Variants in CGNL1 observed in about 807,000 individuals in gnomAD.
The protein encoded by CGNL1 is cingulin like 1, also known as cingulin-like protein 1.
CGNL1 carries 132 observed loss-of-function variants against 141.2 expected under a neutral mutation model. That is an observed-to-expected ratio of 0.93 (90% CI 0.81 to 1.08). The LOEUF is 1.08. Among genes scored for constraint, CGNL1 ranks in the 50% least tolerant of loss-of-function variants. The pLI, the probability that CGNL1 is intolerant of heterozygous loss-of-function variation, is 0.00. For missense variants in CGNL1, 1,870 were observed against 1,588.6 expected (o/e 1.18, Z -3.01); for synonymous variants, 690 against 622.1 (o/e 1.11, Z -1.63).
chr15:57,523,426 C>A, intron 10 of CGNL1, 63 bp from the exon 11 acceptor site: 4 of 1,533,706 alleles, frequency 2.6e-6, no homozygotes, highest in Non-Finnish European at 3.6e-6. Flanking sequence ...TTCCCTGTGC[C>A]ACCCGTTCCT....
intron 1 of CGNL1, among the ~76,000 whole-genome samples, chr15:57,435,303 G>A (rs2063092516): frequency 6.6e-6 from 1 of 151,986 alleles, no homozygotes; most frequent in Non-Finnish European, 1.5e-5. Context: ...TATGTATGGT[G>A]TGGTATCCAC....
intron 8 of CGNL1, among the ~76,000 whole-genome samples, chr15:57,475,750 A>T (rs1340074454): frequency 6.6e-6 from 1 of 151,738 alleles, no homozygotes; most frequent in Non-Finnish European, 1.5e-5. Flanking sequence ...CTCTCACTGG[A>T]TTCTCTGCGT....
chr15:57,426,189 G>C (rs1415176946), intron 1 of CGNL1, among the ~76,000 whole-genome samples: 2 of 152,012 alleles, frequency 1.3e-5, no homozygotes, highest in Non-Finnish European at 2.9e-5. Context: ...CTGTCACCCA[G>C]ACTGGAGTAC....
chr15:57,543,912 CT>C, intron 15 of CGNL1, 133 bp downstream of exon 15: 1 of 627,804 alleles, frequency 1.6e-6, no homozygotes. Context: ...GGTAACAGTC[CT>C]TTTCCAGAGT....
intron 1 of CGNL1, among the ~76,000 whole-genome samples, chr15:57,380,573 C>A (rs1449461081): frequency 1.3e-5 from 2 of 152,122 alleles, no homozygotes; most frequent in African/African-American, 2.4e-5. Context: ...ATAAGACATG[C>A]TTTACTTGGG....
At chr15:57,486,235 C>A (rs532034258) in intron 8 of CGNL1, among the ~76,000 whole-genome samples, 9 of 152,300 alleles carry the variant, frequency 5.9e-5, no homozygotes, top group Admixed American at 2.0e-4. Flanking sequence ...TCCCAGTCAA[C>A]CTTCCCTGCT....
At chr15:57,394,099 C>CTTTTTTTTTT (rs1555429893) in intron 1 of CGNL1, 1 of 34,162 alleles carries the variant, frequency 2.9e-5, no homozygotes, top group Non-Finnish European at 6.0e-5. Context: ...AGGGTAATTT[C>CTTTTTTTTTT]TGTTTGTTTT....
chr15:57,525,920 C>T (rs2031582993), intron 12 of CGNL1, among the ~76,000 whole-genome samples: 1 of 152,054 alleles, frequency 6.6e-6, no homozygotes, highest in Admixed American at 6.5e-5. Flanking sequence ...ATTACTACAG[C>T]ACAGAGGCAG....
In CGNL1 at chr15:57,461,901, T is replaced by A; in HGVS notation, c.2403+9T>A. ...TGGAAGAAGCAACCAAGGTGAGGGA[T>A]GGGGCAGGAGAATCTGGCTTGTGAA... On this transcript the variant is annotated intron_variant, in intron 8 of 18. Transcript: ENST00000281282. 1 of 1,610,106 alleles carries A rather than the reference T, an allele frequency of 6.2e-7. No homozygotes were observed. The highest frequency in any genetic ancestry group is 8.5e-7 in the Non-Finnish European group (1 of 1,176,898).
chr15:57,506,375 G>A (rs1284367875), intron 8 of CGNL1, among the ~76,000 whole-genome samples: 3 of 152,340 alleles, frequency 2.0e-5, no homozygotes, highest in Admixed American at 6.5e-5. Flanking sequence ...CTCTCATGGT[G>A]AGGGAAGTGG....
At chr15:57,441,090 G>A (rs1214853241) in intron 3 of CGNL1, among the ~76,000 whole-genome samples, 15 of 139,202 alleles carry the variant, frequency 1.1e-4, no homozygotes, top group South Asian at 2.4e-4. Context: ...AAAAAAAAAA[G>A]CTTTACAGCC....
At chr15:57,433,944 A>T (rs1312250601) in intron 1 of CGNL1, among the ~76,000 whole-genome samples, 2 of 132,334 alleles carry the variant, frequency 1.5e-5, no homozygotes, top group Non-Finnish European at 3.3e-5. Context: ...CTTTCACATT[A>T]ATTGACACTC....
intron 15 of CGNL1, 94 bp from the exon 16 acceptor site, chr15:57,544,379 C>T (rs989111739): frequency 3.7e-5 from 54 of 1,473,810 alleles, no homozygotes; most frequent in Admixed American, 2.1e-4. Context: ...TCGCATGCAG[C>T]GACCAAACAC....
intron 1 of CGNL1, among the ~76,000 whole-genome samples, chr15:57,428,128 C>T (rs770199281): frequency 7.9e-5 from 12 of 152,242 alleles, no homozygotes; most frequent in Admixed American, 1.3e-4. Flanking sequence ...AGGAGTGACA[C>T]TTCCACTGAG....
chr15:57,464,664 G>T (rs570097078), intron 8 of CGNL1, among the ~76,000 whole-genome samples: 1 of 132,384 alleles, frequency 7.6e-6, no homozygotes, highest in Non-Finnish European at 1.6e-5. Context: ...ATTTCTCTGC[G>T]GTTTCTTTTC....
intron 8 of CGNL1, among the ~76,000 whole-genome samples, chr15:57,483,052 G>A (rs1386347661): frequency 6.6e-6 from 1 of 152,186 alleles, no homozygotes; most frequent in Non-Finnish European, 1.5e-5. Flanking sequence ...CTCCTAAAGT[G>A]CTGGGATTAT....
chr15:57,432,014 C>G (rs1335245220), intron 1 of CGNL1, among the ~76,000 whole-genome samples: 1 of 152,202 alleles, frequency 6.6e-6, no homozygotes, highest in Non-Finnish European at 1.5e-5. Flanking sequence ...ACCTCTCTAC[C>G]CACTGTATTA....
At chr15:57,453,540 C>T (rs2063344543) in intron 6 of CGNL1, 143 bp from the exon 7 acceptor site, 3 of 1,001,042 alleles carry the variant, frequency 3.0e-6, no homozygotes, top group South Asian at 3.6e-5. Context: ...GGTTGGTGAT[C>T]CCTTGCTCAG....
chr15:57,389,970 C>T (rs2062524581), intron 1 of CGNL1, among the ~76,000 whole-genome samples: 3 of 152,178 alleles, frequency 2.0e-5, no homozygotes, highest in Non-Finnish European at 4.4e-5. Flanking sequence ...CACGTGCCAC[C>T]ACACCCAGCT....
Sources: gnomAD v4.1 joint callset for allele counts (sites outside exome capture counted in the v4.1 genomes callset) on GRCh38, gnomAD v4.1.1 for gene constraint, MANE v1.5 for transcripts, NCBI Gene and HGNC (gene_info 2026-07-23, HGNC 2026-07-21) for gene names.